C2CD2L: variants seen among roughly 807,000 people sequenced by gnomAD.
The protein encoded by C2CD2L is phospholipid transfer protein C2CD2L.
A neutral mutation model predicts 69.9 loss-of-function variants in C2CD2L; 24 were observed. The observed-to-expected ratio is 0.34, with a 90% CI of 0.25 to 0.48. The LOEUF is 0.48. C2CD2L is among the 20% of genes least tolerant of loss of function. The pLI, the probability that C2CD2L is intolerant of heterozygous loss-of-function variation, is 0.99. For synonymous variants in C2CD2L, 367 were observed against 391.0 expected (o/e 0.94, Z 0.72); for missense variants, 811 against 941.5 (o/e 0.86, Z 1.81).
upstream of C2CD2L, among the ~76,000 whole-genome samples, chr11:119,105,517 A>G (rs1417372033): frequency 6.6e-6 from 1 of 152,088 alleles, no homozygotes; most frequent in African/African-American, 2.4e-5. Flanking sequence ...GCGCATGCCT[A>G]TAGTCCCAAC....
Position 119,110,288 on chromosome 11 carries a change from G to A in C2CD2L, c.450+89G>A. The A allele has an allele frequency of 1.0e-6, 1 of 978,688 alleles. No homozygotes were observed. Among genetic ancestry groups the A allele is most frequent in the Non-Finnish European group, 1.6e-6 (1 of 626,360 alleles). The allele number at this position is 978,688 out of a possible 1,614,324, so 60.6% of individuals were successfully genotyped here. ...TTAGTCCAGAGGTTCTTAACCTGGA[G>A]TCTGTGAATGCCTTATGGATCTAAG... On this transcript the variant is annotated intron_variant, in intron 2 of 13. Transcript: ENST00000648610. This position sits in a 1 kb window ranked among gnomAD's most constrained non-coding sequence, Gnocchi z 5.7.
At chr11:119,112,174 C>T (rs1946760167) in intron 7 of C2CD2L, 154 bp from the exon 8 acceptor site, 6 of 667,788 alleles carry the variant, frequency 9.0e-6, no homozygotes, top group Non-Finnish European at 1.3e-5. Context: ...TCTCTTGGGA[C>T]GAGAGAGAAT....
upstream of C2CD2L, among the ~76,000 whole-genome samples, chr11:119,106,534 C>T (rs1416274455): frequency 6.6e-6 from 1 of 152,164 alleles, no homozygotes; most frequent in African/African-American, 2.4e-5. Flanking sequence ...AGAGGTTGGG[C>T]AGTGTACCTA....
chr11:119,108,609 G>A (rs1946654469), intron 1 of C2CD2L, among the ~76,000 whole-genome samples: 1 of 152,176 alleles, frequency 6.6e-6, no homozygotes, highest in South Asian at 2.1e-4. Flanking sequence ...GTTCACTGGG[G>A]GTTGGGGAGT....
chr11:119,102,992 C>T (rs1457203722), upstream of C2CD2L, among the ~76,000 whole-genome samples: 1 of 150,996 alleles, frequency 6.6e-6, no homozygotes, highest in Non-Finnish European at 1.5e-5. Flanking sequence ...CCTGCCTCAG[C>T]CTCCCGAGTA....
intron 13 of C2CD2L, 54 bp from the exon 14 acceptor site, chr11:119,115,991 G>A (rs1032834025): frequency 2.8e-6 from 4 of 1,448,656 alleles, no homozygotes; most frequent in Admixed American, 3.5e-5. Context: ...CTCTGCCCCC[G>A]TCTCACCCCA....
Position 119,112,573 on chromosome 11 carries a change from G to GA in C2CD2L, c.1179dup (p.Ala394SerfsTer15). 6.2e-7 allele frequency: 1 copy of GA among 1,612,420 alleles called. No individual in the cohort carries two copies. The highest frequency in any genetic ancestry group is 2.2e-5 in the East Asian group (1 of 44,884). ...TGTGCCCACTCACCCCAGGGCCAGG[G>GA]AAAGCCCTGGGACCAGCAGCCACCA... On this transcript the variant is annotated frameshift_variant, in exon 9 of 14. Transcript: ENST00000648610. LOFTEE classifies it high-confidence loss of function.
rs559431735 is a variant in C2CD2L at position 119,113,328 on chromosome 11, G to A, written c.1388-283G>A. 9.1e-6 allele frequency: 4 copies of A among 441,562 alleles called. No individual in the cohort carries two copies. The East Asian group carries it at 1.5e-4, about 17-fold the overall frequency. The allele number at this position is 441,562 out of a possible 1,614,324, so 27.4% of individuals were successfully genotyped here. A position where few individuals can be genotyped will look rare whatever the true frequency, so the allele number is the denominator to read the frequency against. On this transcript the variant is annotated intron_variant, in intron 10 of 13. Transcript: ENST00000648610. ...GCCATTATAGGGGCCCCACTGAATTGCCCCAACTTCAGGGAGCCCCAGTAC... is the reference window on the plus strand; with the variant it reads ...GCCATTATAGGGGCCCCACTGAATTACCCCAACTTCAGGGAGCCCCAGTAC...
upstream of C2CD2L, among the ~76,000 whole-genome samples, chr11:119,102,860 C>CTTTTTT (rs141575057): frequency 4.6e-5 from 2 of 43,456 alleles, no homozygotes; most frequent in African/African-American, 1.8e-4. Context: ...AATTCACCAG[C>CTTTTTT]TTTTTTTTTT....
intron 6 of C2CD2L, 27 bp downstream of exon 6, chr11:119,111,401 T>C (rs1256754583): frequency 5.0e-6 from 8 of 1,605,978 alleles, no homozygotes; most frequent in Non-Finnish European, 6.0e-6. Context: ...GCTGCGGGAC[T>C]GCCAAGGCTA....
In C2CD2L at chr11:119,112,391, C is replaced by T; in HGVS notation, c.1083C>T (p.Asp361=). The T allele has an allele frequency of 2.5e-6, 4 of 1,613,654 alleles. No homozygotes were observed. Among genetic ancestry groups the T allele is most frequent in the Non-Finnish European group, 3.4e-6 (4 of 1,179,804 alleles). Residue 361 remains aspartate (D), a splice_region_variant and synonymous_variant, in exon 8 of 14, where the codon GAC becomes GAT. Transcript: ENST00000648610. ...TGCTGAGGAGCAGCAGCTGTGGAGA[C>T]AGTAAGTGAGGGGTGGGAGGGGCAC... ...LKVLRSSSCG[D]TELLGQATLP...
At position 119,110,530 on chromosome 11, in the gene C2CD2L, C is replaced by T. The variant is rs377467763; in HGVS notation, c.451-31C>T. 8.0e-5 allele frequency: 128 copies of T among 1,598,248 alleles called. No individual in the cohort carries two copies. Among genetic ancestry groups the T allele is most frequent in the Non-Finnish European group, 1.1e-4 (125 of 1,176,416 alleles). ...GTTCAAAGCAGGGTGAGCACCCTTC[C>T]CCCACATCTGACCCACCTCGCCGGT... On this transcript the variant is annotated intron_variant, in intron 2 of 13. Transcript: ENST00000648610. This position sits in a 1 kb window ranked among gnomAD's most constrained non-coding sequence, Gnocchi z 5.7.
upstream of C2CD2L, chr11:119,102,269 C>G (rs1262447855): frequency 2.1e-6 from 1 of 479,000 alleles, no homozygotes; most frequent in Non-Finnish European, 4.3e-6. Context: ...GCCTCCGGCT[C>G]CAGGAAGATG....
Position 119,107,864 on chromosome 11 carries a change from G to C in C2CD2L, c.123G>C (p.Arg41=). 6.6e-7 allele frequency: 1 copy of C among 1,519,822 alleles called. No individual in the cohort carries two copies. The allele number at this position is 1,519,822 out of a possible 1,614,324, so 94.1% of individuals were successfully genotyped here. A position where few individuals can be genotyped will look rare whatever the true frequency, so the allele number is the denominator to read the frequency against. Residue 41 remains arginine (R), a synonymous_variant, in exon 1 of 14, where the codon CGG becomes CGC. Transcript: ENST00000648610. The surrounding 1 kb of genome is among the most constrained non-coding windows in gnomAD (Gnocchi z 5.4). ...ATGCCCGGGGCTTGTGGCTGGCGCG[G>C]GCCCGCGGGGACCGGGGCCCGGGAC... The part of the protein sequence containing the change: ...LQYARGLWLA[R]ARGDRGPGPA...
intron 13 of C2CD2L, chr11:119,115,489 T>G (rs1946862352): frequency 6.4e-6 from 1 of 156,752 alleles, no homozygotes; most frequent in South Asian, 1.9e-4. Flanking sequence ...CTGCATCACT[T>G]CTTGAGATAA....
rs1946820115 is a variant in C2CD2L, at chr11:119,113,990, T to TA, written c.1623+4dup. On this transcript the variant is annotated splice_region_variant and intron_variant, in intron 12 of 13. Transcript: ENST00000648610. ...CTCATCATCTCTGGTGTTTCCAAGGTAACAGGGCTCTGGGGAGAGGAGCTG... is the reference window on the plus strand; with the variant it reads ...CTCATCATCTCTGGTGTTTCCAAGGTAAACAGGGCTCTGGGGAGAGGAGCTG... 2 of 1,613,924 alleles carry TA rather than the reference T, an allele frequency of 1.2e-6. No homozygotes were observed. The highest frequency in any genetic ancestry group is 4.5e-5 in the East Asian group (2 of 44,872).
intron 9 of C2CD2L, 33 bp from the exon 10 acceptor site, chr11:119,112,667 G>T: frequency 1.2e-6 from 2 of 1,609,912 alleles, no homozygotes; most frequent in African/African-American, 2.7e-5. Context: ...AGTCTCCGAG[G>T]CTCTGTCTCT....
Position 119,108,034 on chromosome 11 carries a change from T to C in C2CD2L, c.293T>C (p.Phe98Ser). ...GCGTCACTCTTCGCCTTCAAGTCTT[T>C]CCGGGAGAACTGGCAGCGGGCTTGG... ...LLASLFAFKS[F>S]RENWQRAWVR... Residue 98 changes from phenylalanine (F) to serine (S), a missense_variant, in exon 1 of 14, where the codon TTC becomes TCC. By Grantham distance (155) the Phe-to-Ser change is radical (BLOSUM62 -2). Coordinates refer to ENST00000648610, the MANE Select transcript of C2CD2L (RefSeq NM_001290474.2). The C allele has an allele frequency of 6.3e-7, 1 of 1,599,638 alleles. No homozygotes were observed. Among genetic ancestry groups the C allele is most frequent in the Non-Finnish European group, 8.5e-7 (1 of 1,174,418 alleles).
At chr11:119,113,054 C>T in intron 10 of C2CD2L, 180 bp downstream of exon 10, 1 of 615,104 alleles carries the variant, frequency 1.6e-6, no homozygotes, top group Non-Finnish European at 2.8e-6. Flanking sequence ...CCCTTACCTC[C>T]TGCCATTTCC....
Sources: gnomAD v4.1 joint callset for allele counts (sites outside exome capture counted in the v4.1 genomes callset) on GRCh38, gnomAD v4.1.1 for gene constraint, Gnocchi (gnomAD v3.1) non-coding constraint, MANE v1.5 for transcripts, NCBI Gene and HGNC (gene_info 2026-07-23, HGNC 2026-07-21) for gene names.